SMPD3: variants seen among roughly 807,000 people sequenced by gnomAD.
The protein encoded by SMPD3 is sphingomyelin phosphodiesterase 3, also known as nSMase-2.
Under a neutral mutation model 55.7 loss-of-function variants are expected in SMPD3, and 21 were observed. The ratio of observed to expected loss-of-function variants is 0.38; its 90% CI spans 0.27 to 0.54. The LOEUF is 0.54. Ranked by LOEUF, SMPD3 falls within the 20% of genes least tolerant of loss-of-function variation. The pLI, the probability that SMPD3 is intolerant of heterozygous loss-of-function variation, is 0.80. For missense variants in SMPD3, 842 were observed against 899.6 expected (o/e 0.94, Z 0.82); for synonymous variants, 457 against 404.3 (o/e 1.13, Z -1.56).
chr16:68,361,221 C>A lies in SMPD3; in HGVS notation c.1953G>T (p.Gly651=), dbSNP rs368645229. The A allele has an allele frequency of 5.6e-6, 9 of 1,613,686 alleles. No homozygotes were observed. The highest frequency in any genetic ancestry group is 1.3e-5 in the African/African-American group (1 of 74,926). The part of the protein sequence containing the change: ...PVAMRLMVSS[G]EEEA ...TCCGGACGGTCTATGCCTCCTCCTC[C>A]CCCGAAGACACCATCAGTCGCATGG... Residue 651 remains glycine, a synonymous_variant, in exon 9 of 9, where the codon GGG becomes GGT. Coordinates refer to ENST00000219334, the MANE Select transcript of SMPD3 (RefSeq NM_018667.4).
At chr16:68,430,494 C>T (rs1185087101) in intron 1 of SMPD3, among the ~76,000 whole-genome samples, 9 of 152,214 alleles carry the variant, frequency 5.9e-5, no homozygotes, top group African/African-American at 2.2e-4. Flanking sequence ...GTCCACATTT[C>T]ATTCCTAAAT....
At position 68,371,795 on chromosome 16, in the gene SMPD3, G is replaced by A. The variant is rs746950629; in HGVS notation, c.387C>T (p.Ala129=). ...GPGKSFCFAT[A]NVCLLPDSLA... ...GTGAGTCGGGCAGGAGGCAGACGTT[G>A]GCAGTGGCAAAGCAGAAGCTTTTGC... is the stretch of plus-strand genomic sequence containing the variant. The change falls in exon 3 of 9, where the codon GCC becomes GCT. Residue 129 remains alanine (A), a synonymous_variant. Coordinates refer to ENST00000219334, the MANE Select transcript of SMPD3 (RefSeq NM_018667.4). 2 of 1,609,662 alleles carry A rather than the reference G, an allele frequency of 1.2e-6. No individual in the cohort carries two copies. Among genetic ancestry groups the A allele is most frequent in the Admixed American group, 3.4e-5 (2 of 59,330 alleles).
intron 3 of SMPD3, 89 bp from the exon 4 acceptor site, chr16:68,365,181 G>A (rs1366200292): frequency 1.5e-6 from 2 of 1,345,074 alleles, no homozygotes; most frequent in African/African-American, 2.9e-5. Context: ...CACCCATGAG[G>A]TCAGACCCTC....
rs1351540839 is a variant in SMPD3 at position 68,371,085 on chromosome 16, A to G, written c.1097T>C (p.Phe366Ser). Residue 366 changes from phenylalanine (F) to serine (S), a missense_variant, in exon 3 of 9, where the codon TTT becomes TCT. Phe to Ser is a radical substitution (Grantham distance 155, BLOSUM62 -2). Coordinates refer to ENST00000219334, the MANE Select transcript of SMPD3 (RefSeq NM_018667.4). ...NLDFLCLQEVFDKRAATKLKE... is the reference protein window; with the variant it reads ...NLDFLCLQEVSDKRAATKLKE... ...CAATTTGGTGGCTGCTCGCTTGTCA[A>G]ACACCTCCTGCAGGCACAGGAAGTC... The G allele has an allele frequency of 6.2e-7, 1 of 1,614,170 alleles. No homozygotes were observed. Among genetic ancestry groups the G allele is most frequent in the Non-Finnish European group, 8.5e-7 (1 of 1,180,024 alleles).
At chr16:68,406,587 G>A (rs2090256404) in intron 1 of SMPD3, among the ~76,000 whole-genome samples, 2 of 152,156 alleles carry the variant, frequency 1.3e-5, no homozygotes, top group South Asian at 2.1e-4. Flanking sequence ...AAATAGCTCC[G>A]TGTCCATTCA....
chr16:68,367,049 C>T (rs4783556), intron 3 of SMPD3, among the ~76,000 whole-genome samples: 79,010 of 151,082 alleles, frequency 0.52, 21,197 homozygotes, highest in East Asian at 0.79. Flanking sequence ...ATGCCTGTAA[C>T]CCCAGCTATT....
At chr16:68,375,544 T>C (rs1275517714) in intron 2 of SMPD3, among the ~76,000 whole-genome samples, 1 of 152,208 alleles carries the variant, frequency 6.6e-6, no homozygotes, top group African/African-American at 2.4e-5. Flanking sequence ...TGCTCTCCCG[T>C]GTGGCGCATC....
At chr16:68,444,764 CAG>C (rs1212671609) in intron 1 of SMPD3, among the ~76,000 whole-genome samples, 1 of 152,166 alleles carries the variant, frequency 6.6e-6, no homozygotes, top group African/African-American at 2.4e-5. Context: ...TCAGGATAAG[CAG>C]GTGGTTCAAT....
At position 68,371,503 on chromosome 16, in the gene SMPD3, C is replaced by G. The variant is rs371929315; in HGVS notation, c.679G>C (p.Gly227Arg). ...TCGACAGGGTCCCCAGAGGCTGGGC[C>G]GTTGGCAGCCTCGTCACCGGGGTGC... is the stretch of plus-strand genomic sequence containing the variant. ...GRHPGDEAAN[G>R]PASGDPVDSS... The change falls in exon 3 of 9, where the codon GGC becomes CGC. Residue 227 changes from glycine to arginine, a missense_variant. Coordinates refer to ENST00000219334, the MANE Select transcript of SMPD3 (RefSeq NM_018667.4). 1.6e-4 allele frequency: 262 copies of G among 1,599,062 alleles called. No homozygotes were observed. The highest frequency in any genetic ancestry group is 2.1e-4 in the Non-Finnish European group (246 of 1,179,556).
chr16:68,377,825 G>C (rs2089856978), intron 2 of SMPD3, among the ~76,000 whole-genome samples: 1 of 152,202 alleles, frequency 6.6e-6, no homozygotes, highest in South Asian at 2.1e-4. Context: ...GTGGATCCTG[G>C]CTTTGAATTT....
intron 1 of SMPD3, among the ~76,000 whole-genome samples, chr16:68,394,354 T>C (rs1241194121): frequency 6.6e-6 from 1 of 152,262 alleles, no homozygotes; most frequent in Non-Finnish European, 1.5e-5. Flanking sequence ...TATTTGTTTC[T>C]GTTAATGCCA....
chr16:68,378,644 G>C (rs1020339318), intron 2 of SMPD3, among the ~76,000 whole-genome samples: 1 of 149,976 alleles, frequency 6.7e-6, no homozygotes, highest in African/African-American at 2.5e-5. Context: ...TCCAAGTCTC[G>C]GCACCACCAC....
chr16:68,390,060 A>G (rs2041752496), intron 1 of SMPD3, among the ~76,000 whole-genome samples: 1 of 152,202 alleles, frequency 6.6e-6, no homozygotes, highest in African/African-American at 2.4e-5. Flanking sequence ...TGCGTTTTCC[A>G]GGAAGGGGGT....
rs773616864 is a variant in SMPD3, at chr16:68,365,044, C to T, written c.1372G>A (p.Ala458Thr). The T allele has an allele frequency of 2.9e-5, 47 of 1,613,956 alleles. No individual in the cohort carries two copies. Among genetic ancestry groups the T allele is most frequent in the Non-Finnish European group, 3.4e-5 (40 of 1,180,010 alleles). Residue 458 changes from alanine (A) to threonine (T), a missense_variant, in exon 4 of 9, where the codon GCC becomes ACC. Coordinates refer to ENST00000219334, the MANE Select transcript of SMPD3 (RefSeq NM_018667.4). ...TGCGGGGCATGCAGGTGTGTGCAGGCGATGTACCCGACGATTCTTTGGTCC... is the reference window on the plus strand; with the variant it reads ...TGCGGGGCATGCAGGTGTGTGCAGGTGATGTACCCGACGATTCTTTGGTCC... ...PQDQRIVGYI[A>T]CTHLHAPQED... is the part of the protein sequence containing the mutation.
intron 7 of SMPD3, among the ~76,000 whole-genome samples, chr16:68,362,835 A>C (rs1473231836): frequency 6.6e-6 from 1 of 152,242 alleles, no homozygotes; most frequent in Non-Finnish European, 1.5e-5. Flanking sequence ...TCATCATCTC[A>C]TAAAAAGAAT....
intron 2 of SMPD3, among the ~76,000 whole-genome samples, chr16:68,383,586 G>A (rs568599486): frequency 6.6e-6 from 1 of 152,156 alleles, no homozygotes; most frequent in South Asian, 2.1e-4. Flanking sequence ...CCTTCTCAGG[G>A]CCCTTGGAGG....
At chr16:68,440,740 C>T (rs2152034811) in intron 1 of SMPD3, among the ~76,000 whole-genome samples, 1 of 152,272 alleles carries the variant, frequency 6.6e-6, no homozygotes, top group East Asian at 1.9e-4. Flanking sequence ...TAGCTTTGAC[C>T]TTGGGTATGT....
chr16:68,440,624 C>A (rs981192816), intron 1 of SMPD3, among the ~76,000 whole-genome samples: 7 of 152,216 alleles, frequency 4.6e-5, no homozygotes, highest in Non-Finnish European at 2.9e-5. Context: ...TTTGTATTAT[C>A]TAATTTAATC....
At chr16:68,403,299 G>A (rs2152013149) in intron 1 of SMPD3, among the ~76,000 whole-genome samples, 1 of 152,264 alleles carries the variant, frequency 6.6e-6, no homozygotes, top group Admixed American at 6.5e-5. Context: ...GCACCCTGAG[G>A]ACAGGGATTC....
Sources: gnomAD v4.1 joint callset for allele counts (sites outside exome capture counted in the v4.1 genomes callset) on GRCh38, gnomAD v4.1.1 for gene constraint, MANE v1.5 for transcripts, NCBI Gene and HGNC (gene_info 2026-07-23, HGNC 2026-07-21) for gene names.